CDH8: variants seen among roughly 807,000 people sequenced by gnomAD.
CDH8 encodes cadherin-8.
CDH8 carries 17 observed loss-of-function variants against 68.1 expected under a neutral mutation model. The ratio of observed to expected loss-of-function variants is 0.25; its 90% CI spans 0.17 to 0.37. CDH8 has a LOEUF of 0.37. CDH8 is among the 10% of genes least tolerant of loss of function. CDH8 has a pLI of 1.00. For synonymous variants in CDH8, 372 were observed against 365.1 expected, an observed-to-expected ratio of 1.02 and a Z score of -0.21; for missense variants, 763 against 999.3, an observed-to-expected ratio of 0.76 and a Z score of 3.19.
intron 8 of CDH8, among the ~76,000 whole-genome samples, chr16:61,782,213 C>T (rs1352209983): frequency 1.3e-5 from 2 of 152,232 alleles, no homozygotes; most frequent in African/African-American, 4.8e-5. Context: ...AGACAGTGGG[C>T]GCAGGCCAGT....
At chr16:61,960,280 TAC>T (rs1303772072) in intron 2 of CDH8, among the ~76,000 whole-genome samples, 9 of 100,078 alleles carry the variant, frequency 9.0e-5, no homozygotes, top group Admixed American at 3.8e-4. Context: ...TGTGTGTGTA[TAC>T]ACACATATAT....
intron 11 of CDH8, among the ~76,000 whole-genome samples, chr16:61,654,614 G>A (rs1331597656): frequency 6.6e-6 from 1 of 152,172 alleles, no homozygotes; most frequent in African/African-American, 2.4e-5. Context: ...AACTTGTCTT[G>A]TGGGAGGGCT....
At chr16:62,014,318 A>G (rs756046393) in intron 2 of CDH8, among the ~76,000 whole-genome samples, 16 of 152,120 alleles carry the variant, frequency 1.1e-4, no homozygotes, top group Non-Finnish European at 2.4e-4. Context: ...GCTCTGGGAT[A>G]CCCCTATTTC....
At chr16:61,703,136 A>G (rs1290168696) in intron 10 of CDH8, among the ~76,000 whole-genome samples, 1 of 152,342 alleles carries the variant, frequency 6.6e-6, no homozygotes, top group East Asian at 1.9e-4. Flanking sequence ...CATATTTCTG[A>G]AAAAACTATT....
intron 4 of CDH8, among the ~76,000 whole-genome samples, chr16:61,853,103 AC>A (rs1962974940): frequency 6.6e-6 from 1 of 152,038 alleles, no homozygotes; most frequent in Admixed American, 6.6e-5. Context: ...AAACAAGATA[AC>A]CCTGATTTTG....
At chr16:61,984,940 T>C (rs528663145) in intron 2 of CDH8, among the ~76,000 whole-genome samples, 1 of 152,292 alleles carries the variant, frequency 6.6e-6, no homozygotes, top group East Asian at 1.9e-4. Context: ...ATAGTGCTAT[T>C]TCTGTTTATA....
chr16:61,865,476 TATC>T (rs1963237295), intron 3 of CDH8, among the ~76,000 whole-genome samples: 1 of 152,070 alleles, frequency 6.6e-6, no homozygotes, highest in African/African-American at 2.4e-5. Context: ...AAATGGAAAA[TATC>T]ATATGAAAAT....
At chr16:61,910,897 C>T (rs1227942799) in intron 2 of CDH8, among the ~76,000 whole-genome samples, 4 of 152,130 alleles carry the variant, frequency 2.6e-5, no homozygotes, top group Admixed American at 2.0e-4. Flanking sequence ...ACAATCTGAG[C>T]TTAACGTCTT....
chr16:61,972,571 GGTGTGTGTGT>G (rs1555525996), intron 2 of CDH8, among the ~76,000 whole-genome samples: 1 of 131,468 alleles, frequency 7.6e-6, no homozygotes, highest in Non-Finnish European at 1.7e-5. Context: ...ACACATTGTG[GGTGTGTGTGT>G]GTGTGTGTGT....
At chr16:61,678,480 G>A (rs1178539068) in intron 10 of CDH8, among the ~76,000 whole-genome samples, 1 of 152,002 alleles carries the variant, frequency 6.6e-6, no homozygotes, top group African/African-American at 2.4e-5. Flanking sequence ...TTCCTTTTGT[G>A]TCAGATATCA....
At chr16:62,017,056 C>T (rs1310851116) in intron 2 of CDH8, among the ~76,000 whole-genome samples, 2 of 152,088 alleles carry the variant, frequency 1.3e-5, no homozygotes, top group African/African-American at 4.8e-5. Flanking sequence ...TTGAAAAATG[C>T]CACTGAGCTT....
chr16:61,924,945 G>T (rs1964433739), intron 2 of CDH8, among the ~76,000 whole-genome samples: 1 of 152,192 alleles, frequency 6.6e-6, no homozygotes, highest in Non-Finnish European at 1.5e-5. Flanking sequence ...ATGAGATGCA[G>T]TTGGTAATGT....
chr16:62,025,047 CA>C (rs1902164557), intron 1 of CDH8, among the ~76,000 whole-genome samples: 2 of 152,088 alleles, frequency 1.3e-5, no homozygotes, highest in Admixed American at 1.3e-4. Flanking sequence ...AAAAGAAATA[CA>C]GAGTGATGGG....
At chr16:61,840,862 A>G (rs1160234292) in intron 4 of CDH8, among the ~76,000 whole-genome samples, 1 of 152,172 alleles carries the variant, frequency 6.6e-6, no homozygotes, top group African/African-American at 2.4e-5. Flanking sequence ...GCAAACCACC[A>G]TGGCACACAT....
intron 5 of CDH8, 143 bp from the exon 6 acceptor site, chr16:61,821,256 C>A: frequency 1.8e-6 from 1 of 568,534 alleles, no homozygotes; most frequent in Non-Finnish European, 3.0e-6. Context: ...ACAGAAATAT[C>A]CGTTTCCCTT....
intron 8 of CDH8, among the ~76,000 whole-genome samples, chr16:61,731,568 C>G (rs573214550): frequency 1.1e-4 from 17 of 151,682 alleles, no homozygotes; most frequent in Non-Finnish European, 1.9e-4. Flanking sequence ...AGTAAGATCA[C>G]AGATTTTACA....
Position 61,650,576 on chromosome 16 carries a change from A to T in CDH8, c.*3032T>A, listed in dbSNP as rs1963297287. On this transcript the variant is annotated 3_prime_UTR_variant, in exon 12 of 12. Transcript: ENST00000577390. ...GGATACTTAAATCTTAGAAAATGTT[A>T]GGAACCTTATTGATATCTTTTGGTT... 1 of 152,066 alleles carries T rather than the reference A, an allele frequency of 6.6e-6. No individual in the cohort carries two copies. The highest frequency in any genetic ancestry group is 2.4e-5 in the African/African-American group (1 of 41,402). 9.4% of individuals were successfully genotyped at this position (152,066 alleles called of 1,614,324 possible).
At chr16:61,658,628 T>G (rs1321015773) in intron 10 of CDH8, among the ~76,000 whole-genome samples, 1 of 152,102 alleles carries the variant, frequency 6.6e-6, no homozygotes, top group Non-Finnish European at 1.5e-5. Flanking sequence ...CCCTGTTTCT[T>G]ATGTATGAAA....
intron 3 of CDH8, among the ~76,000 whole-genome samples, chr16:61,877,256 T>C (rs1352757391): frequency 6.6e-6 from 1 of 152,048 alleles, no homozygotes; most frequent in Non-Finnish European, 1.5e-5. Flanking sequence ...ATATTATACT[T>C]GGAACTGACA....
Sources: allele counts gnomAD v4.1 joint callset (sites outside exome capture counted in the v4.1 genomes callset), GRCh38; gene constraint gnomAD v4.1.1; transcripts MANE v1.5; gene names NCBI Gene and HGNC (gene_info 2026-07-23, HGNC 2026-07-21).